Variants in KMO observed in about 807,000 individuals in gnomAD.
KMO encodes the protein kynurenine 3-hydroxylase.
A neutral mutation model predicts 57.8 loss-of-function variants in KMO; 24 were observed. The ratio of observed to expected loss-of-function variants is 0.42; its 90% CI spans 0.30 to 0.58. The LOEUF (loss-of-function observed/expected upper bound fraction) is 0.58, where lower values mean the gene tolerates loss of function less well. Among genes scored for constraint, KMO ranks in the 20% least tolerant of loss-of-function variants. The probability of loss-of-function intolerance (pLI) is 0.22; values close to 1 mark genes in which losing one functional copy is unlikely to be tolerated. For synonymous variants in KMO, 210 were observed against 193.6 expected, an observed-to-expected ratio of 1.08 and a Z score of -0.70; for missense variants, 483 against 588.2, an observed-to-expected ratio of 0.82 and a Z score of 1.85.
At position 241,594,553 on chromosome 1, in the gene KMO, T is replaced by C; in HGVS notation, c.*2400T>C. ...GAAGAAGAGTTGAAAGTCACTTTTT[T>C]CTTTGGCCTGTCCCCATCTTTCTGT... On this transcript the variant is annotated 3_prime_UTR_variant, in exon 15 of 15. Coordinates refer to ENST00000366559, the MANE Select transcript of KMO (RefSeq NM_003679.5). 1 of 1,614,140 alleles carries C rather than the reference T, an allele frequency of 6.2e-7. No homozygotes were observed. Among genetic ancestry groups the C allele is most frequent in the Non-Finnish European group, 8.5e-7 (1 of 1,179,984 alleles).
chr1:241,575,202 T>A (rs969293403), intron 10 of KMO, among the ~76,000 whole-genome samples: 2 of 152,102 alleles, frequency 1.3e-5, no homozygotes. Context: ...ATTTTGATTG[T>A]CTTTTCAAAG....
At chr1:241,547,865 A>G (rs1661206706) in intron 1 of KMO, among the ~76,000 whole-genome samples, 1 of 152,186 alleles carries the variant, frequency 6.6e-6, no homozygotes, top group African/African-American at 2.4e-5. Context: ...TATGTACCAG[A>G]ATTCCTGCAC....
At chr1:241,552,217 C>T (rs1281103503) in intron 4 of KMO, among the ~76,000 whole-genome samples, 1 of 151,536 alleles carries the variant, frequency 6.6e-6, no homozygotes, top group Non-Finnish European at 1.5e-5. Context: ...TGCATACATT[C>T]CCCAAGAGAG....
In KMO at chr1:241,594,107, T is replaced by TA. The variant is rs147586948; in HGVS notation, c.*1955dup. 63,529 of 276,886 alleles carry TA rather than the reference T, an allele frequency of 0.23. 7,597 individuals are homozygous for TA. Among genetic ancestry groups the TA allele is most frequent in the Non-Finnish European group, 0.25 (36,118 of 147,208 alleles). The allele number at this position is 276,886 out of a possible 1,614,324, so 17.2% of individuals were successfully genotyped here. ...TAAGGTATTTTCGAGAAAAATGCATTACGTGTTTTGGAAAATAGAGTAATT... is the reference window on the plus strand; with the variant it reads ...TAAGGTATTTTCGAGAAAAATGCATTAACGTGTTTTGGAAAATAGAGTAATT... On this transcript the variant is annotated 3_prime_UTR_variant, in exon 15 of 15. Coordinates refer to ENST00000366559, the MANE Select transcript of KMO (RefSeq NM_003679.5).
chr1:241,542,138 A>G (rs1307699167), intron 1 of KMO, among the ~76,000 whole-genome samples: 5 of 152,074 alleles, frequency 3.3e-5, no homozygotes, highest in African/African-American at 4.8e-5. Context: ...AGTTCAATGT[A>G]AGATTCAAGG....
intron 10 of KMO, among the ~76,000 whole-genome samples, chr1:241,574,902 ATT>A (rs1451947881): frequency 6.6e-6 from 1 of 151,638 alleles, no homozygotes; most frequent in Non-Finnish European, 1.5e-5. Context: ...CTGGGCTTTT[ATT>A]TTTTGTTGAC....
In KMO at chr1:241,542,425, A is replaced by G. The variant is rs539697030; in HGVS notation, c.55-6404A>G. Among the ~76,000 whole-genome samples the G allele has an allele frequency of 4.7e-3, 716 of 152,348 alleles. 6 individuals are homozygous for G. Among genetic ancestry groups the G allele is most frequent in the Non-Finnish European group, 6.9e-3 (471 of 68,032 alleles). ...ATAATGATACATTGGGTAAATCCAT[A>G]ATTATGTAACCAAGGAATGTCCTCA... On this transcript the variant is annotated intron_variant, in intron 1 of 14. Coordinates refer to ENST00000366559, the MANE Select transcript of KMO (RefSeq NM_003679.5).
At chr1:241,548,088 A>ACACACACACACACACAC (rs1661215729) in intron 1 of KMO, among the ~76,000 whole-genome samples, 1 of 148,848 alleles carries the variant, frequency 6.7e-6, no homozygotes, top group Non-Finnish European at 1.5e-5. Context: ...AAACAAACAA[A>ACACACACACACACACAC]ACACACACAC....
intron 12 of KMO, among the ~76,000 whole-genome samples, chr1:241,589,225 A>G (rs1663147522): frequency 6.6e-6 from 1 of 152,014 alleles, no homozygotes; most frequent in African/African-American, 2.4e-5. Context: ...TATTTAGAGT[A>G]GCATTGATTA....
intron 14 of KMO, 26 bp downstream of exon 14, chr1:241,590,289 T>G (rs566141772): frequency 6.5e-7 from 1 of 1,547,418 alleles, no homozygotes; most frequent in Admixed American, 1.7e-5. Context: ...TTTTATTTAT[T>G]TTTTAATGTG....
intron 6 of KMO, 149 bp from the exon 7 acceptor site, chr1:241,562,018 A>G: frequency 1.6e-6 from 1 of 629,210 alleles, no homozygotes; most frequent in Non-Finnish European, 2.8e-6. Flanking sequence ...TCTAAATGTT[A>G]CATCTATTAA....
At chr1:241,551,332 C>A (rs1661384999) in intron 4 of KMO, among the ~76,000 whole-genome samples, 1 of 152,182 alleles carries the variant, frequency 6.6e-6, no homozygotes, top group South Asian at 2.1e-4. Context: ...TCCTTCTTTT[C>A]TCCTTTTCAA....
intron 10 of KMO, among the ~76,000 whole-genome samples, chr1:241,575,776 T>A (rs1003405035): frequency 2.0e-5 from 3 of 152,080 alleles, no homozygotes; most frequent in Non-Finnish European, 2.9e-5. Context: ...TGTAAATATC[T>A]GTTAGATCTA....
rs142907554 is a variant in KMO, at chr1:241,591,790, C to G, written c.1261-163C>G. Among the ~76,000 whole-genome samples the G allele has an allele frequency of 1.5e-3, 229 of 152,276 alleles. 2 individuals carry two copies. Among genetic ancestry groups the G allele is most frequent in the Middle Eastern group, 0.01 (3 of 294 alleles). On this transcript the variant is annotated intron_variant, in intron 14 of 14. Coordinates refer to ENST00000366559, the MANE Select transcript of KMO (RefSeq NM_003679.5). ...GGAGGCTCCCAATCCTTGACTTTAT[C>G]TTGATCTTATCAGTTCCTGATCTGG...
chr1:241,560,897 T>G, intron 6 of KMO, 145 bp downstream of exon 6: 1 of 644,328 alleles, frequency 1.6e-6, no homozygotes, highest in Non-Finnish European at 2.8e-6. Flanking sequence ...CAAGGAATTT[T>G]AGATTGCAAA....
At chr1:241,591,710 AT>A (rs1246506133) in intron 14 of KMO, among the ~76,000 whole-genome samples, 2 of 152,178 alleles carry the variant, frequency 1.3e-5, no homozygotes, top group Non-Finnish European at 1.5e-5. Context: ...TGACTGCTAA[AT>A]TTTTTTCATA....
intron 1 of KMO, among the ~76,000 whole-genome samples, chr1:241,548,106 C>CACACACACACACACACAA (rs1203034360): frequency 2.6e-5 from 4 of 151,768 alleles, no homozygotes; most frequent in Non-Finnish European, 4.4e-5. Context: ...CACACACACA[C>CACACACACACACACACAA]ACAGTGTGAT....
chr1:241,588,043 T>A (rs1383305820), intron 11 of KMO, among the ~76,000 whole-genome samples: 1 of 152,180 alleles, frequency 6.6e-6, no homozygotes, highest in Non-Finnish European at 1.5e-5. Context: ...TACACCCAGT[T>A]TCAAGTCCTG....
At chr1:241,577,790 CA>C (rs1662580483) in intron 10 of KMO, among the ~76,000 whole-genome samples, 1 of 152,142 alleles carries the variant, frequency 6.6e-6, no homozygotes, top group Non-Finnish European at 1.5e-5. Context: ...TGGGTAAATG[CA>C]ATATGAAATG....
Sources: allele counts gnomAD v4.1 joint callset (sites outside exome capture counted in the v4.1 genomes callset), GRCh38; gene constraint gnomAD v4.1.1; transcripts MANE v1.5; gene names NCBI Gene and HGNC (gene_info 2026-07-23, HGNC 2026-07-21).